PLPPR1: variants seen among roughly 807,000 people sequenced by gnomAD.
PLPPR1 encodes phospholipid phosphatase-related protein type 1.
In PLPPR1, 10 loss-of-function variants were observed where a neutral mutation model predicts 33.1. The ratio of observed to expected loss-of-function variants is 0.30; its 90% CI spans 0.19 to 0.51. PLPPR1 has a LOEUF of 0.51. PLPPR1 is among the 20% of genes least tolerant of loss of function. PLPPR1 has a pLI of 0.97. For synonymous variants in PLPPR1, 151 were observed against 151.0 expected (o/e 1.00, Z 0.00); for missense variants, 304 against 408.1 (o/e 0.74, Z 2.20).
Position 101,062,497 on chromosome 9 carries a change from CA to C in PLPPR1, c.-46+33402del, listed in dbSNP as rs371394445. Among the ~76,000 whole-genome samples the C allele has an allele frequency of 5.1e-3, 778 of 151,712 alleles. 1 individual carries two copies. Among genetic ancestry groups the C allele is most frequent in the Middle Eastern group, 0.01 (3 of 294 alleles). ...TGATAGGTTTTATACTTAAACATAG[CA>C]AAAAAATTATTTTAATGCTAGGTTA... On this transcript the variant is annotated intron_variant, in intron 1 of 7. Transcript: ENST00000374874.
chr9:101,215,615 T>G (rs960734139), intron 2 of PLPPR1, among the ~76,000 whole-genome samples: 2 of 152,168 alleles, frequency 1.3e-5, no homozygotes, highest in African/African-American at 4.8e-5. Context: ...CATTTAATCA[T>G]CCTCACTTTA....
At chr9:101,064,347 AGAATGAATGAAT>A (rs34535403) in intron 1 of PLPPR1, among the ~76,000 whole-genome samples, 3 of 150,306 alleles carry the variant, frequency 2.0e-5, no homozygotes, top group African/African-American at 7.3e-5. Flanking sequence ...TAATATTTAT[AGAATGAATGAAT>A]GAATGAATGA....
chr9:101,284,293 A>G (rs10118704), intron 3 of PLPPR1, among the ~76,000 whole-genome samples: 11,583 of 152,222 alleles, frequency 0.076, 524 homozygotes, highest in Middle Eastern at 0.16. Context: ...CAATTCTGTC[A>G]TTGGTGACAA....
At chr9:101,181,936 C>T (rs1826122019) in intron 1 of PLPPR1, among the ~76,000 whole-genome samples, 1 of 149,240 alleles carries the variant, frequency 6.7e-6, no homozygotes, top group Admixed American at 6.7e-5. Context: ...TATATATATA[C>T]ACACACATAC....
intron 1 of PLPPR1, among the ~76,000 whole-genome samples, chr9:101,179,774 G>A (rs1564167291): frequency 1.3e-5 from 2 of 152,054 alleles, no homozygotes; most frequent in Non-Finnish European, 1.5e-5. Context: ...TTAATCCTGA[G>A]TGTGTCTGTG....
At chr9:101,152,523 T>G (rs1316698488) in intron 1 of PLPPR1, among the ~76,000 whole-genome samples, 1 of 152,246 alleles carries the variant, frequency 6.6e-6, no homozygotes, top group African/African-American at 2.4e-5. Context: ...AGGGTTTTTA[T>G]GGCTTTAGGT....
chr9:101,054,058 C>G (rs1421177524), intron 1 of PLPPR1, among the ~76,000 whole-genome samples: 2 of 152,036 alleles, frequency 1.3e-5, no homozygotes, highest in African/African-American at 4.8e-5. Flanking sequence ...GTGGCACACA[C>G]CTGTAGTTTC....
At chr9:101,073,269 A>G (rs1168440692) in intron 1 of PLPPR1, among the ~76,000 whole-genome samples, 1 of 152,160 alleles carries the variant, frequency 6.6e-6, no homozygotes, top group Admixed American at 6.5e-5. Flanking sequence ...TTTGCAGCCA[A>G]TCTATTGCAC....
At chr9:101,167,626 A>G (rs1267641467) in intron 1 of PLPPR1, among the ~76,000 whole-genome samples, 1 of 152,070 alleles carries the variant, frequency 6.6e-6, no homozygotes, top group East Asian at 1.9e-4. Context: ...AGGGCAATGG[A>G]GAGGAATCAG....
chr9:101,238,323 G>A (rs1827372223), intron 2 of PLPPR1, among the ~76,000 whole-genome samples: 3 of 120,326 alleles, frequency 2.5e-5, no homozygotes, highest in Admixed American at 8.7e-5. Flanking sequence ...TATATAGGAT[G>A]TATATATACC....
intron 1 of PLPPR1, among the ~76,000 whole-genome samples, chr9:101,113,780 A>G (rs888707489): frequency 5.9e-5 from 9 of 152,050 alleles, no homozygotes; most frequent in Non-Finnish European, 4.4e-5. Flanking sequence ...TTTTTTCACA[A>G]GAAAACTTTT....
intron 6 of PLPPR1, among the ~76,000 whole-genome samples, chr9:101,314,487 G>C (rs543219212): frequency 6.6e-6 from 1 of 152,058 alleles, no homozygotes. Flanking sequence ...CCAGACCATT[G>C]CAACAGTGAA....
chr9:101,156,567 AAAAAAAG>A (rs1308228236), intron 1 of PLPPR1, among the ~76,000 whole-genome samples: 1,201 of 111,940 alleles, frequency 0.011, 2 homozygotes, highest in Non-Finnish European at 0.021. Context: ...AAAAAAAAAA[AAAAAAAG>A]AAAGAAAGAA....
At chr9:101,054,932 G>A (rs1331287514) in intron 1 of PLPPR1, among the ~76,000 whole-genome samples, 4 of 152,158 alleles carry the variant, frequency 2.6e-5, no homozygotes, top group South Asian at 4.1e-4. Flanking sequence ...AGGCAGGGAC[G>A]GTCTGTGGCA....
chr9:101,177,731 T>C (rs1001250780), intron 1 of PLPPR1, among the ~76,000 whole-genome samples: 8 of 151,280 alleles, frequency 5.3e-5, no homozygotes, highest in African/African-American at 2.0e-4. Context: ...ATGTTAGTCA[T>C]CCATATTTCT....
chr9:101,215,520 C>T (rs933057044), intron 2 of PLPPR1, among the ~76,000 whole-genome samples: 2 of 152,170 alleles, frequency 1.3e-5, no homozygotes, highest in African/African-American at 2.4e-5. Flanking sequence ...ACCTCGTGAT[C>T]CCCCTGCCTA....
intron 1 of PLPPR1, among the ~76,000 whole-genome samples, chr9:101,093,130 A>T (rs1036719060): frequency 1.3e-5 from 2 of 152,202 alleles, no homozygotes; most frequent in Non-Finnish European, 2.9e-5. Flanking sequence ...GGAAGGAGAG[A>T]GGCAAGTCAC....
At chr9:101,180,284 C>A (rs1220140199) in intron 1 of PLPPR1, among the ~76,000 whole-genome samples, 1 of 150,200 alleles carries the variant, frequency 6.7e-6, no homozygotes, top group African/African-American at 2.4e-5. Flanking sequence ...CTGATTAATA[C>A]AATTAAGAAA....
In PLPPR1 at chr9:101,324,355, G is replaced by A. The variant is rs1168192839; in HGVS notation, c.*298G>A. On this transcript the variant is annotated 3_prime_UTR_variant, in exon 8 of 8. Coordinates refer to ENST00000374874, the MANE Select transcript of PLPPR1 (RefSeq NM_207299.2). ...TGGTTGACGTTGTTTTGTGATATTT[G>A]TACACAAATTTTCTTTTCTCAGTTT... is the stretch of plus-strand genomic sequence containing the variant. 1 of 282,104 alleles carries A rather than the reference G, an allele frequency of 3.5e-6. No individual in the cohort carries two copies. The highest frequency in any genetic ancestry group is 6.1e-5 in the East Asian group (1 of 16,516). 17.5% of individuals were successfully genotyped at this position (282,104 alleles called of 1,614,324 possible). A position where few individuals can be genotyped will look rare whatever the true frequency, so the allele number is the denominator to read the frequency against.
Sources: gnomAD v4.1 joint callset for allele counts (sites outside exome capture counted in the v4.1 genomes callset) on GRCh38, gnomAD v4.1.1 for gene constraint, MANE v1.5 for transcripts, NCBI Gene and HGNC (gene_info 2026-07-23, HGNC 2026-07-21) for gene names.